The following SAMD12 variants were observed in gnomAD, a reference collection of about 807,000 sequenced individuals.
The protein encoded by SAMD12 is sterile alpha motif domain containing 12.
SAMD12 carries 9 observed loss-of-function variants against 15.0 expected under a neutral mutation model. The observed-to-expected ratio is 0.60, with a 90% CI of 0.36 to 1.05. The LOEUF (loss-of-function observed/expected upper bound fraction) is 1.05. Among genes scored for constraint, SAMD12 ranks in the 50% least tolerant of loss-of-function variants. The pLI is 0.01. For missense variants in SAMD12, 230 were observed against 234.2 expected, an observed-to-expected ratio of 0.98 and a Z score of 0.12; for synonymous variants, 86 against 90.1, an observed-to-expected ratio of 0.96 and a Z score of 0.25.
At chr8:118,612,218 C>A (rs1407652631) in intron 1 of SAMD12, among the ~76,000 whole-genome samples, 2 of 152,152 alleles carry the variant, frequency 1.3e-5, no homozygotes, top group Non-Finnish European at 2.9e-5. Flanking sequence ...TTAGTCTTCC[C>A]TTTCCTGTCT....
intron 2 of SAMD12, among the ~76,000 whole-genome samples, chr8:118,525,788 A>T (rs1350315516): frequency 2.6e-5 from 4 of 152,188 alleles, no homozygotes; most frequent in Admixed American, 6.5e-5. Context: ...AAAGCAGCTC[A>T]TAAGAAAACA....
chr8:118,488,876 C>T, intron 2 of SAMD12, among the ~76,000 whole-genome samples: 1 of 152,152 alleles, frequency 6.6e-6, no homozygotes, highest in Non-Finnish European at 1.5e-5. Flanking sequence ...TACCTAGGAG[C>T]AGAATGCTTA....
Position 118,284,689 on chromosome 8 carries a change from T to C in SAMD12, c.434-86957A>G, listed in dbSNP as rs1402982795. ...CGGGCACTGTGGCTCACGCCTGTAA[T>C]CCCAGCACTTTGGGAGGCCAAGGCG... On this transcript the variant is annotated intron_variant, in intron 4 of 4. Transcript: ENST00000409003. The C allele has an allele frequency of 6.8e-5, 12 of 177,636 alleles. No individual in the cohort carries two copies. The South Asian group carries it at 1.1e-3, about 17-fold the overall frequency. The allele number at this position is 177,636 out of a possible 1,614,324, so 11.0% of individuals were successfully genotyped here. A position where few individuals can be genotyped will look rare whatever the true frequency, so the allele number is the denominator to read the frequency against.
rs574620820 is a variant in SAMD12 at position 118,550,402 on chromosome 8, C to T, written c.192+30313G>A. Among the ~76,000 whole-genome samples the T allele has an allele frequency of 3.3e-5, 5 of 152,270 alleles. No individual in the cohort carries two copies. The South Asian group carries it at 1.0e-3, about 32-fold the overall frequency. Reference sequence around the variant, plus strand: ...CATTCTTAAAGAAAAGAATTTGCAACCCAGAATTTCATATCCAGCCAAATT... The same window carrying T: ...CATTCTTAAAGAAAAGAATTTGCAATCCAGAATTTCATATCCAGCCAAATT... On this transcript the variant is annotated intron_variant, in intron 2 of 3. Transcript: ENST00000314727.
intron 4 of SAMD12, among the ~76,000 whole-genome samples, chr8:118,256,089 A>C (rs568251264): frequency 3.1e-4 from 47 of 152,174 alleles, no homozygotes; most frequent in Admixed American, 6.5e-4. Context: ...TTTGATTTGC[A>C]TTTCTCTGAT....
chr8:118,194,481 G>C (rs534280355), exon 5 of SAMD12: 1 of 152,182 alleles, frequency 6.6e-6, no homozygotes, highest in Non-Finnish European at 1.5e-5. Context: ...GTTCTGGAGT[G>C]GAAATAAGCG....
chr8:118,550,750 C>A (rs1480845980), intron 2 of SAMD12, among the ~76,000 whole-genome samples: 1 of 151,482 alleles, frequency 6.6e-6, no homozygotes, highest in East Asian at 1.9e-4. Flanking sequence ...GATAAAGAGT[C>A]AAGACCCATC....
chr8:118,421,504 G>A (rs952781368), intron 3 of SAMD12, among the ~76,000 whole-genome samples: 1 of 152,076 alleles, frequency 6.6e-6, no homozygotes, highest in African/African-American at 2.4e-5. Context: ...TGCCACAAAC[G>A]GCTGGAAACC....
At chr8:118,273,470 T>C (rs1489660948) in intron 4 of SAMD12, among the ~76,000 whole-genome samples, 1 of 152,198 alleles carries the variant, frequency 6.6e-6, no homozygotes, top group Non-Finnish European at 1.5e-5. Context: ...CATATGTCAC[T>C]TGTGTAATAG....
intron 3 of SAMD12, among the ~76,000 whole-genome samples, chr8:118,419,592 G>A (rs927753137): frequency 1.3e-5 from 2 of 152,170 alleles, no homozygotes; most frequent in South Asian, 2.1e-4. Context: ...CCTTTGCTCT[G>A]TAGCTTTCTT....
At chr8:118,369,335 T>G (rs1472974311) in intron 4 of SAMD12, among the ~76,000 whole-genome samples, 1 of 152,158 alleles carries the variant, frequency 6.6e-6, no homozygotes, top group African/African-American at 2.4e-5. Context: ...TAAACGGTGC[T>G]GGGAAACCTG....
chr8:118,132,354 C>T, the SAMD12 span, among the ~76,000 whole-genome samples: 1 of 152,170 alleles, frequency 6.6e-6, no homozygotes, highest in East Asian at 1.9e-4. Flanking sequence ...ACAGCAGTGT[C>T]CCCAATTCTG....
the SAMD12 span, among the ~76,000 whole-genome samples, chr8:118,164,520 T>A: frequency 1.3e-5 from 2 of 152,198 alleles, no homozygotes; most frequent in East Asian, 3.8e-4. Flanking sequence ...TTTAGTTTAT[T>A]TTCAAGCTCT....
intron 4 of SAMD12, among the ~76,000 whole-genome samples, chr8:118,342,752 C>T (rs1250784711): frequency 1.3e-5 from 2 of 152,138 alleles, no homozygotes; most frequent in Non-Finnish European, 2.9e-5. Flanking sequence ...AGGAGATGTC[C>T]CAAGAACCTT....
At chr8:118,143,180 G>C in the SAMD12 span, among the ~76,000 whole-genome samples, 1 of 152,082 alleles carries the variant, frequency 6.6e-6, no homozygotes, top group African/African-American at 2.4e-5. Flanking sequence ...CTGATTTATG[G>C]AGAATCATTT....
intron 1 of SAMD12, among the ~76,000 whole-genome samples, chr8:118,608,541 T>C (rs889021989): frequency 2.6e-5 from 4 of 152,080 alleles, no homozygotes; most frequent in Non-Finnish European, 5.9e-5. Context: ...TCTCACTCTG[T>C]AGCCCAGGCC....
chr8:118,213,098 G>A (rs542879519), intron 4 of SAMD12, among the ~76,000 whole-genome samples: 12 of 152,200 alleles, frequency 7.9e-5, no homozygotes, highest in African/African-American at 2.6e-4. Flanking sequence ...ATCTTGTAGG[G>A]TAAAATTTAT....
chr8:118,548,201 C>G (rs1826186158), intron 2 of SAMD12, among the ~76,000 whole-genome samples: 1 of 152,144 alleles, frequency 6.6e-6, no homozygotes, highest in Non-Finnish European at 1.5e-5. Context: ...ATATGAGCAA[C>G]AGACAAAAGC....
At chr8:118,514,866 GT>G (rs990283272) in intron 2 of SAMD12, among the ~76,000 whole-genome samples, 3 of 152,180 alleles carry the variant, frequency 2.0e-5, no homozygotes, top group African/African-American at 7.2e-5. Context: ...TTGTGTCCCT[GT>G]CCAAATCTCA....
Sources: gnomAD v4.1 joint callset for allele counts (sites outside exome capture counted in the v4.1 genomes callset) on GRCh38, gnomAD v4.1.1 for gene constraint, MANE v1.5 for transcripts, NCBI Gene and HGNC (gene_info 2026-07-23, HGNC 2026-07-21) for gene names.